Variants in PPP1R12B observed in about 807,000 individuals in gnomAD.
The protein encoded by PPP1R12B is protein phosphatase 1 regulatory subunit 12B, also known as myosin phosphatase target subunit 2.
In PPP1R12B, 76 loss-of-function variants were observed where a neutral mutation model predicts 126.1. The ratio of observed to expected loss-of-function variants is 0.60; its 90% CI spans 0.50 to 0.73. The LOEUF (loss-of-function observed/expected upper bound fraction) is 0.73. PPP1R12B is among the 30% of genes least tolerant of loss of function. The pLI is 0.00. For missense variants in PPP1R12B, 1,052 were observed against 1,205.1 expected, an observed-to-expected ratio of 0.87 and a Z score of 1.88; for synonymous variants, 356 against 434.7, an observed-to-expected ratio of 0.82 and a Z score of 2.25.
intron 7 of PPP1R12B, 44 bp downstream of exon 7, chr1:202,430,854 G>A: frequency 6.3e-7 from 1 of 1,576,360 alleles, no homozygotes; most frequent in Non-Finnish European, 8.6e-7. Flanking sequence ...TTTGCTCTGT[G>A]TCAGTGACAT....
chr1:202,479,788 C>CTTT (rs2148816139), intron 13 of PPP1R12B, among the ~76,000 whole-genome samples: 2 of 152,272 alleles, frequency 1.3e-5, no homozygotes, highest in South Asian at 4.1e-4. Context: ...TTATCAAACC[C>CTTT]CTACACCAGA....
At chr1:202,421,606 C>CTCCA (rs1252529155) in intron 2 of PPP1R12B, among the ~76,000 whole-genome samples, 1 of 150,698 alleles carries the variant, frequency 6.6e-6, no homozygotes, top group Admixed American at 6.6e-5. Flanking sequence ...CACCATTGCA[C>CTCCA]TCCAGCCTGA....
At chr1:202,507,770 A>G (rs995652053) in intron 18 of PPP1R12B, among the ~76,000 whole-genome samples, 1 of 152,208 alleles carries the variant, frequency 6.6e-6, no homozygotes, top group African/African-American at 2.4e-5. Context: ...AGACAGCCCC[A>G]GGAATAATTG....
intron 18 of PPP1R12B, among the ~76,000 whole-genome samples, chr1:202,556,296 G>A (rs1686932161): frequency 1.3e-5 from 2 of 152,152 alleles, no homozygotes; most frequent in South Asian, 4.1e-4. Flanking sequence ...AGAATAAGTG[G>A]TAACTTGCCA....
At chr1:202,500,843 A>G (rs999664854) in intron 18 of PPP1R12B, among the ~76,000 whole-genome samples, 2 of 152,214 alleles carry the variant, frequency 1.3e-5, no homozygotes, top group African/African-American at 4.8e-5. Context: ...AATACGTACT[A>G]TTATAATGCA....
chr1:202,468,216 C>T (rs1675316580), intron 13 of PPP1R12B, among the ~76,000 whole-genome samples: 2 of 152,108 alleles, frequency 1.3e-5, no homozygotes, highest in South Asian at 4.1e-4. Context: ...TGTGCAGAAG[C>T]TCTTTAGTTT....
intron 13 of PPP1R12B, among the ~76,000 whole-genome samples, chr1:202,459,683 G>C (rs1674071143): frequency 6.6e-6 from 1 of 152,186 alleles, no homozygotes; most frequent in South Asian, 2.1e-4. Flanking sequence ...CTGAGTCAGA[G>C]GCACAGTAGA....
rs147672089 is a variant in PPP1R12B at position 202,558,825 on chromosome 1, G to A, written c.2491-52G>A. 3.6e-3 allele frequency: 4,453 copies of A among 1,253,420 alleles called. 9 individuals are homozygous for A. Among genetic ancestry groups the A allele is most frequent in the Non-Finnish European group, 4.7e-3 (4,080 of 871,450 alleles). 77.6% of individuals were successfully genotyped at this position (1,253,420 alleles called of 1,614,324 possible). A position where few individuals can be genotyped will look rare whatever the true frequency, so the allele number is the denominator to read the frequency against. ...TACAAATCAGTCTCTTGCTAATGCT[G>A]TTTTCTTTTCTTTTTTCTTTTTTTG... On this transcript the variant is annotated intron_variant, in intron 18 of 23. Transcript: ENST00000608999.
intron 21 of PPP1R12B, 72 bp from the exon 22 acceptor site, chr1:202,567,706 T>C: frequency 6.7e-7 from 1 of 1,496,264 alleles, no homozygotes; most frequent in South Asian, 1.1e-5. Flanking sequence ...GTAGTGAAGC[T>C]GAACTAGACT....
At chr1:202,516,511 AT>A (rs927129114) in intron 18 of PPP1R12B, among the ~76,000 whole-genome samples, 6 of 152,022 alleles carry the variant, frequency 3.9e-5, no homozygotes, top group African/African-American at 1.4e-4. Context: ...AAAGGATGAT[AT>A]CTTCTCTTTG....
At chr1:202,497,930 C>T (rs1224079891) in intron 18 of PPP1R12B, among the ~76,000 whole-genome samples, 1 of 152,036 alleles carries the variant, frequency 6.6e-6, no homozygotes, top group Non-Finnish European at 1.5e-5. Flanking sequence ...GCATATATAA[C>T]TCAGGAAATA....
At chr1:202,500,135 A>G (rs1483740397) in intron 18 of PPP1R12B, among the ~76,000 whole-genome samples, 2 of 152,160 alleles carry the variant, frequency 1.3e-5, no homozygotes, top group South Asian at 2.1e-4. Context: ...TATCCAGAGG[A>G]AAGAAAAACA....
chr1:202,454,223 A>G (rs191795124), intron 13 of PPP1R12B, among the ~76,000 whole-genome samples: 1 of 152,354 alleles, frequency 6.6e-6, no homozygotes, highest in East Asian at 1.9e-4. Flanking sequence ...CCTACAATCA[A>G]TAAGATAGTA....
rs1185461470 is a variant in PPP1R12B at position 202,582,577 on chromosome 1, A to G, written c.*2017A>G. The G allele has an allele frequency of 6.5e-6, 1 of 152,676 alleles. No homozygotes were observed. The highest frequency in any genetic ancestry group is 2.4e-5 in the African/African-American group (1 of 41,450). 9.5% of individuals were successfully genotyped at this position (152,676 alleles called of 1,614,324 possible). On this transcript the variant is annotated 3_prime_UTR_variant, in exon 24 of 24. Transcript: ENST00000608999. ...TGAAACACCACATGCTGTTTAAACT[A>G]GAAGCTGTAATTCAAGATCCCAATT... is the stretch of plus-strand genomic sequence containing the variant.
chr1:202,393,842 C>T (rs1571792861), intron 1 of PPP1R12B, among the ~76,000 whole-genome samples: 1 of 152,168 alleles, frequency 6.6e-6, no homozygotes, highest in African/African-American at 2.4e-5. Flanking sequence ...AGGAGGATTG[C>T]TTAAGGCCAG....
At chr1:202,574,278 G>A (rs1688891559) in intron 23 of PPP1R12B, among the ~76,000 whole-genome samples, 1 of 152,112 alleles carries the variant, frequency 6.6e-6, no homozygotes, top group Non-Finnish European at 1.5e-5. Context: ...GGGAGGCTAA[G>A]GCAGGAGGAT....
At chr1:202,464,530 C>G (rs1300438733) in intron 13 of PPP1R12B, among the ~76,000 whole-genome samples, 1 of 152,116 alleles carries the variant, frequency 6.6e-6, no homozygotes, top group Non-Finnish European at 1.5e-5. Context: ...CCTTTGTGCA[C>G]TTTCACCCTG....
chr1:202,353,719 C>CCCA (rs1290024086), intron 1 of PPP1R12B, among the ~76,000 whole-genome samples: 1 of 151,490 alleles, frequency 6.6e-6, no homozygotes, highest in East Asian at 1.9e-4. Context: ...AAGTGATCCT[C>CCCA]CCCACCTCAG....
At chr1:202,432,757 C>T (rs547943261) in intron 8 of PPP1R12B, among the ~76,000 whole-genome samples, 1 of 152,312 alleles carries the variant, frequency 6.6e-6, no homozygotes, top group South Asian at 2.1e-4. Context: ...AAACTGGAGT[C>T]CATGATGAGA....
Sources: allele counts gnomAD v4.1 joint callset (sites outside exome capture counted in the v4.1 genomes callset), GRCh38; gene constraint gnomAD v4.1.1; transcripts MANE v1.5; gene names NCBI Gene and HGNC (gene_info 2026-07-23, HGNC 2026-07-21).